Variants in NOS1AP observed in about 807,000 individuals in gnomAD.
The protein encoded by NOS1AP is carboxyl-terminal PDZ ligand of neuronal nitric oxide synthase protein.
In NOS1AP, 21 loss-of-function variants were observed where a neutral mutation model predicts 56.2. That is an observed-to-expected ratio of 0.37 (90% CI 0.26 to 0.54). The LOEUF (loss-of-function observed/expected upper bound fraction) is 0.54. Ranked by LOEUF, NOS1AP falls within the 20% of genes least tolerant of loss-of-function variation. The pLI, the probability that NOS1AP is intolerant of heterozygous loss-of-function variation, is 0.84. For synonymous variants in NOS1AP, 270 were observed against 274.6 expected, an observed-to-expected ratio of 0.98 and a Z score of 0.17; for missense variants, 522 against 657.8, an observed-to-expected ratio of 0.79 and a Z score of 2.26.
At chr1:162,151,908 G>A (rs889268430) in intron 1 of NOS1AP, among the ~76,000 whole-genome samples, 2 of 152,038 alleles carry the variant, frequency 1.3e-5, no homozygotes, top group African/African-American at 4.8e-5. Context: ...AAGGTGTGTG[G>A]TACATGTATG....
At chr1:162,277,248 A>G (rs188744981) in intron 2 of NOS1AP, among the ~76,000 whole-genome samples, 6 of 152,336 alleles carry the variant, frequency 3.9e-5, no homozygotes, top group Admixed American at 6.5e-5. Flanking sequence ...ATTGTAAGAA[A>G]CTACTTTTCA....
At chr1:162,236,694 C>T (rs148104007) in intron 2 of NOS1AP, among the ~76,000 whole-genome samples, 4 of 152,284 alleles carry the variant, frequency 2.6e-5, no homozygotes, top group Non-Finnish European at 4.4e-5. Context: ...CAGGTGTATT[C>T]CTGCATTCCT....
At chr1:162,226,704 G>A (rs1652950096) in intron 2 of NOS1AP, among the ~76,000 whole-genome samples, 1 of 152,106 alleles carries the variant, frequency 6.6e-6, no homozygotes, top group East Asian at 1.9e-4. Context: ...CCTGTATGTA[G>A]GCCAGTACAA....
chr1:162,351,786 C>T (rs1657505600), intron 6 of NOS1AP, among the ~76,000 whole-genome samples: 1 of 152,192 alleles, frequency 6.6e-6, no homozygotes. Flanking sequence ...AGGCTTCTTG[C>T]ACAGCTTGTC....
chr1:162,299,176 C>CACA (rs1655563983), intron 3 of NOS1AP, among the ~76,000 whole-genome samples: 1 of 152,134 alleles, frequency 6.6e-6, no homozygotes, highest in Non-Finnish European at 1.5e-5. Flanking sequence ...GGAAAGCAGC[C>CACA]TAATGTGTGC....
rs1172380202 is a variant in NOS1AP, at chr1:162,286,513, A to G, written c.178-831A>G. Among the ~76,000 whole-genome samples, 8 of 152,368 alleles carry G rather than the reference A, an allele frequency of 5.3e-5. No individual in the cohort carries two copies. In the South Asian group the frequency reaches 1.4e-3, roughly 28 times the overall value. ...AAATGAAGTTCACTGAGGAAAATGT[A>G]GAATTATACCACCAGTTATGAATAG... On this transcript the variant is annotated intron_variant, in intron 2 of 9. Transcript: ENST00000361897.
chr1:162,205,051 C>T (rs1418249123), intron 2 of NOS1AP, among the ~76,000 whole-genome samples: 1 of 152,188 alleles, frequency 6.6e-6, no homozygotes, highest in Non-Finnish European at 1.5e-5. Context: ...TCATTTAGCA[C>T]AAAGATATTG....
intron 3 of NOS1AP, among the ~76,000 whole-genome samples, chr1:162,290,340 T>A (rs991301162): frequency 6.6e-6 from 1 of 151,028 alleles, no homozygotes; most frequent in African/African-American, 2.4e-5. Context: ...TTTTACACAA[T>A]CTCTGACAGA....
chr1:162,148,772 G>A (rs1196937765), intron 1 of NOS1AP, among the ~76,000 whole-genome samples: 1 of 152,204 alleles, frequency 6.6e-6, no homozygotes, highest in Non-Finnish European at 1.5e-5. Context: ...AGAATGGTTT[G>A]CAGAGGGCCA....
At chr1:162,249,466 T>C (rs1014905894) in intron 2 of NOS1AP, among the ~76,000 whole-genome samples, 12 of 152,202 alleles carry the variant, frequency 7.9e-5, no homozygotes, top group African/African-American at 2.7e-4. Context: ...TTATGGTGTC[T>C]TTCAAATGCA....
intron 1 of NOS1AP, among the ~76,000 whole-genome samples, chr1:162,151,902 T>C (rs1030513711): frequency 2.6e-5 from 4 of 151,902 alleles, no homozygotes; most frequent in African/African-American, 4.8e-5. Context: ...TGTGTGAAGG[T>C]GTGTGGTACA....
At chr1:162,200,589 A>G (rs2102165917) in intron 2 of NOS1AP, among the ~76,000 whole-genome samples, 1 of 152,304 alleles carries the variant, frequency 6.6e-6, no homozygotes, top group African/African-American at 2.4e-5. Context: ...TCTCCCTGGC[A>G]TCCTTCTCTG....
chr1:162,109,855 T>C (rs1358273894), intron 1 of NOS1AP, among the ~76,000 whole-genome samples: 3 of 152,118 alleles, frequency 2.0e-5, no homozygotes, highest in Non-Finnish European at 2.9e-5. Flanking sequence ...CAACCCAAGT[T>C]TGCATCCCAG....
intron 1 of NOS1AP, among the ~76,000 whole-genome samples, chr1:162,142,354 G>A (rs890487960): frequency 2.0e-5 from 3 of 152,126 alleles, no homozygotes; most frequent in Non-Finnish European, 2.9e-5. Flanking sequence ...GGTTTTTGTA[G>A]AAGCCCTTTA....
rs761188224 is a variant in NOS1AP, at chr1:162,367,270, C to T, written c.1324C>T (p.Pro442Ser). The change falls in exon 10 of 10, where the codon CCA becomes TCA. Residue 442 changes from proline to serine, a missense_variant. By Grantham distance (74) the Pro-to-Ser change is moderately conservative. Coordinates refer to ENST00000361897, the MANE Select transcript of NOS1AP (RefSeq NM_014697.3). This position sits in a 1 kb window ranked among gnomAD's most constrained non-coding sequence, Gnocchi z 6.5. ...RFLPPEDTPP[P>S]AQGEALLGGL... ...TCTTCCGCCCGAGGACACCCCGCCCCCAGCGCAGGGCGAGGCGCTCCTGGG... is the reference window on the plus strand; with the variant it reads ...TCTTCCGCCCGAGGACACCCCGCCCTCAGCGCAGGGCGAGGCGCTCCTGGG... 1.2e-6 allele frequency: 2 copies of T among 1,613,704 alleles called. No individual in the cohort carries two copies. Among genetic ancestry groups the T allele is most frequent in the Non-Finnish European group, 1.7e-6 (2 of 1,179,954 alleles).
intron 1 of NOS1AP, among the ~76,000 whole-genome samples, chr1:162,088,787 G>A (rs989715287): frequency 1.3e-5 from 2 of 152,162 alleles, no homozygotes; most frequent in Non-Finnish European, 2.9e-5. Context: ...ATACTACTAA[G>A]CATTTGGCTG....
intron 4 of NOS1AP, among the ~76,000 whole-genome samples, chr1:162,325,572 G>A (rs1194403200): frequency 2.0e-5 from 3 of 152,104 alleles, no homozygotes; most frequent in Non-Finnish European, 2.9e-5. Flanking sequence ...GGGACGCTTA[G>A]GGAACCCTTC....
chr1:162,147,538 G>A (rs968046463), intron 1 of NOS1AP, among the ~76,000 whole-genome samples: 2 of 152,104 alleles, frequency 1.3e-5, no homozygotes, highest in African/African-American at 4.8e-5. Context: ...TGTACCAGGG[G>A]CCACAACAGT....
At chr1:162,073,391 C>G (rs1194189441) in intron 1 of NOS1AP, among the ~76,000 whole-genome samples, 1 of 152,178 alleles carries the variant, frequency 6.6e-6, no homozygotes, top group Non-Finnish European at 1.5e-5. Context: ...AGTCACAGCT[C>G]TCTAGTGGAG....
Sources: gnomAD v4.1 joint callset for allele counts (sites outside exome capture counted in the v4.1 genomes callset) on GRCh38, gnomAD v4.1.1 for gene constraint, Gnocchi (gnomAD v3.1) non-coding constraint, MANE v1.5 for transcripts, NCBI Gene and HGNC (gene_info 2026-07-23, HGNC 2026-07-21) for gene names.